Variants in RIMBP2 observed in about 807,000 individuals in gnomAD.
RIMBP2 encodes RIMS binding protein 2.
Under a neutral mutation model 118.6 loss-of-function variants are expected in RIMBP2, and 48 were observed. That is an observed-to-expected ratio of 0.40 (90% CI 0.32 to 0.51). The LOEUF (loss-of-function observed/expected upper bound fraction) is 0.51, where lower values mean the gene tolerates loss of function less well. Ranked by LOEUF, RIMBP2 falls within the 20% of genes least tolerant of loss-of-function variation. RIMBP2 has a pLI of 0.41. For synonymous variants in RIMBP2, 762 were observed against 742.9 expected (o/e 1.03, Z -0.42); for missense variants, 1,551 against 1,768.3 (o/e 0.88, Z 2.20).
chr12:130,640,691 T>C (rs996598132), intron 1 of RIMBP2, among the ~76,000 whole-genome samples: 13 of 152,208 alleles, frequency 8.5e-5, no homozygotes, highest in African/African-American at 3.1e-4. Context: ...CTCCTGGTCC[T>C]ACAGCTTGAA....
At chr12:130,520,512 A>T (rs2051974040) in intron 2 of RIMBP2, among the ~76,000 whole-genome samples, 1 of 151,860 alleles carries the variant, frequency 6.6e-6, no homozygotes, top group Non-Finnish European at 1.5e-5. Context: ...AAACACACAC[A>T]CACACAAAAA....
intron 2 of RIMBP2, among the ~76,000 whole-genome samples, chr12:130,588,683 G>A (rs1403245877): frequency 3.3e-5 from 5 of 152,328 alleles, no homozygotes; most frequent in Non-Finnish European, 7.3e-5. Context: ...GGTTCGGAAA[G>A]CATTTGAGGA....
rs185252639 is a variant in RIMBP2 at position 130,620,515 on chromosome 12, C to T, written c.-217+7807G>A. On this transcript the variant is annotated intron_variant, in intron 2 of 22. Transcript: ENST00000690449. This position sits in a 1 kb window ranked among gnomAD's most constrained non-coding sequence, Gnocchi z 5.3. ...ACGACAAGCCAGGAGGCTTGAAGAACAGGCATGCACGGCCCCACAGTCCCA... is the reference window on the plus strand; with the variant it reads ...ACGACAAGCCAGGAGGCTTGAAGAATAGGCATGCACGGCCCCACAGTCCCA... Among the ~76,000 whole-genome samples the T allele has an allele frequency of 1.5e-3, 226 of 152,354 alleles. 1 individual carries two copies. Among genetic ancestry groups the T allele is most frequent in the African/African-American group, 5.2e-3 (218 of 41,604 alleles).
At chr12:130,444,517 G>A (rs926493085) in intron 10 of RIMBP2, among the ~76,000 whole-genome samples, 3 of 152,202 alleles carry the variant, frequency 2.0e-5, no homozygotes, top group African/African-American at 4.8e-5. Flanking sequence ...AAACATGTAG[G>A]GAATTAGGGA....
chr12:130,692,847 GGGATA>G (rs1316355134), intron 1 of RIMBP2, among the ~76,000 whole-genome samples: 2 of 104,740 alleles, frequency 1.9e-5, no homozygotes, highest in Non-Finnish European at 4.0e-5. Flanking sequence ...GGGATGGGAT[GGGATA>G]GGGTAGGGTA....
At chr12:130,572,291 CT>C (rs1210150277) in intron 2 of RIMBP2, among the ~76,000 whole-genome samples, 1 of 152,198 alleles carries the variant, frequency 6.6e-6, no homozygotes, top group Non-Finnish European at 1.5e-5. Flanking sequence ...CAAAAGATGC[CT>C]TTGAAGACCC....
chr12:130,402,415 T>C (rs2074705561), intron 21 of RIMBP2, among the ~76,000 whole-genome samples: 1 of 152,156 alleles, frequency 6.6e-6, no homozygotes, highest in African/African-American at 2.4e-5. Flanking sequence ...ATCTTGAGTC[T>C]GCCTTCCCCT....
intron 1 of RIMBP2, among the ~76,000 whole-genome samples, chr12:130,631,247 A>G (rs1053610486): frequency 5.3e-5 from 8 of 152,234 alleles, no homozygotes; most frequent in Non-Finnish European, 1.2e-4. Context: ...AAAGCCATAC[A>G]ACGAAAGGGA....
At chr12:130,502,304 G>A (rs148152800) in intron 4 of RIMBP2, among the ~76,000 whole-genome samples, 4 of 152,292 alleles carry the variant, frequency 2.6e-5, no homozygotes, top group Non-Finnish European at 2.9e-5. Flanking sequence ...GCTTCGGGAC[G>A]GTTTGTTATG....
chr12:130,554,420 G>T (rs2056138436), intron 2 of RIMBP2, among the ~76,000 whole-genome samples: 1 of 152,214 alleles, frequency 6.6e-6, no homozygotes, highest in Non-Finnish European at 1.5e-5. Context: ...AACAGGTAGA[G>T]AGTGCATCTG....
chr12:130,415,980 A>C (rs73150887), intron 17 of RIMBP2, among the ~76,000 whole-genome samples: 26 of 149,432 alleles, frequency 1.7e-4, no homozygotes, highest in Middle Eastern at 3.4e-3. Flanking sequence ...CACACACACA[A>C]AATATACAGA....
At chr12:130,502,699 C>T (rs187187297) in intron 4 of RIMBP2, among the ~76,000 whole-genome samples, 3 of 152,302 alleles carry the variant, frequency 2.0e-5, no homozygotes, top group Non-Finnish European at 4.4e-5. Flanking sequence ...GTGTATCACA[C>T]GCATTTGACT....
At chr12:130,500,011 C>A (rs1440197364) in intron 4 of RIMBP2, among the ~76,000 whole-genome samples, 1 of 152,176 alleles carries the variant, frequency 6.6e-6, no homozygotes, top group Non-Finnish European at 1.5e-5. Flanking sequence ...TTAATCAGGG[C>A]AAGGACTGTA....
intron 6 of RIMBP2, among the ~76,000 whole-genome samples, chr12:130,458,777 G>A (rs2137561974): frequency 6.6e-6 from 1 of 152,284 alleles, no homozygotes; most frequent in South Asian, 2.1e-4. Context: ...AGGCACGGTG[G>A]CTCACGCCTG....
At chr12:130,680,933 A>G (rs1213171489) in intron 1 of RIMBP2, among the ~76,000 whole-genome samples, 1 of 152,232 alleles carries the variant, frequency 6.6e-6, no homozygotes, top group Admixed American at 6.5e-5. Flanking sequence ...ATCTGTCTCC[A>G]TAGCTGAACC....
chr12:130,686,925 C>G (rs1288600498), intron 1 of RIMBP2, among the ~76,000 whole-genome samples: 6 of 152,316 alleles, frequency 3.9e-5, no homozygotes. Flanking sequence ...CTGTTTGCAC[C>G]AACTCATTTG....
chr12:130,674,308 G>A (rs924090105), intron 1 of RIMBP2, among the ~76,000 whole-genome samples: 4 of 152,108 alleles, frequency 2.6e-5, no homozygotes, highest in African/African-American at 7.2e-5. Context: ...CGTCCTGTAC[G>A]GCTGGTGGAA....
intron 1 of RIMBP2, among the ~76,000 whole-genome samples, chr12:130,671,964 T>C (rs1325602214): frequency 6.6e-6 from 1 of 152,224 alleles, no homozygotes; most frequent in Non-Finnish European, 1.5e-5. Flanking sequence ...AATCACATGA[T>C]GCTATGGTCA....
rs113962408 is a variant in RIMBP2 at position 130,462,100 on chromosome 12, C to T, written c.154-5400G>A. On this transcript the variant is annotated intron_variant, in intron 6 of 22. Transcript: ENST00000690449. ...CTGCACGACAGCATGGTGACACTCC[C>T]GCATCAGCAGGTTGGGTGTGTGGGG... Among the ~76,000 whole-genome samples the T allele has an allele frequency of 2.0e-4, 30 of 152,320 alleles. No individual in the cohort carries two copies. The East Asian group carries it at 3.9e-3, about 20-fold the overall frequency.
Sources: allele counts gnomAD v4.1 joint callset (sites outside exome capture counted in the v4.1 genomes callset), GRCh38; gene constraint gnomAD v4.1.1; non-coding constraint Gnocchi (gnomAD v3.1); transcripts MANE v1.5; gene names NCBI Gene and HGNC (gene_info 2026-07-23, HGNC 2026-07-21).